The following KCNK17 variants were observed in gnomAD, a reference collection of about 807,000 sequenced individuals.
KCNK17 encodes potassium channel subfamily K member 17.
A neutral mutation model predicts 24.6 loss-of-function variants in KCNK17; 27 were observed. The ratio of observed to expected loss-of-function variants is 1.10; its 90% confidence interval spans 0.81 to 1.51. KCNK17 has a LOEUF of 1.51. Ranked by LOEUF, KCNK17 falls within the 40% of genes most tolerant of loss-of-function variation. The pLI, the probability that KCNK17 is intolerant of heterozygous loss-of-function variation, is 0.00. For synonymous variants in KCNK17, 181 were observed against 189.8 expected (o/e 0.95, Z 0.38); for missense variants, 450 against 436.6 (o/e 1.03, Z -0.27).
intron 2 of KCNK17, among the ~76,000 whole-genome samples, chr6:39,310,330 G>A (rs146518415): frequency 1.3e-5 from 2 of 152,250 alleles, no homozygotes; most frequent in Non-Finnish European, 2.9e-5. Flanking sequence ...GGAGGATGGC[G>A]ATGAGGAGTG....
At chr6:39,306,595 A>G (rs566058501) in intron 2 of KCNK17, among the ~76,000 whole-genome samples, 7 of 152,116 alleles carry the variant, frequency 4.6e-5, no homozygotes, top group African/African-American at 1.7e-4. Context: ...CTATATTGAA[A>G]CCAATGTTTA....
At chr6:39,304,180 C>T (rs750325113) in intron 3 of KCNK17, 49 bp from the exon 4 acceptor site, 42 of 1,562,222 alleles carry the variant, frequency 2.7e-5, no homozygotes, top group Non-Finnish European at 3.1e-5. Context: ...TCACCCCATG[C>T]GTGGGAGCCG....
chr6:39,314,033 G>T, intron 1 of KCNK17, 51 bp downstream of exon 1: 1 of 1,408,582 alleles, frequency 7.1e-7, no homozygotes, highest in East Asian at 2.6e-5. Context: ...TACACCCCGC[G>T]GCCCGCTACC....
At position 39,303,945 on chromosome 6, in the gene KCNK17, A is replaced by G. The variant is rs759872347; in HGVS notation, c.688+12T>C. The G allele has an allele frequency of 2.4e-5, 38 of 1,609,654 alleles. No homozygotes were observed. Among genetic ancestry groups the G allele is most frequent in the Non-Finnish European group, 3.2e-5 (38 of 1,179,050 alleles). On this transcript the variant is annotated intron_variant, in intron 4 of 4. Coordinates refer to ENST00000373231, the MANE Select transcript of KCNK17 (RefSeq NM_031460.4). ...GAATGTCCCCGCCAGCCCAACCGCC[A>G]GGAACTCTCACCAATCACGTAGTCG...
chr6:39,299,118 C>T lies in KCNK17; in HGVS notation c.*309G>A, dbSNP rs1283137484. 12 of 371,118 alleles carry T rather than the reference C, an allele frequency of 3.2e-5. No homozygotes were observed. Among genetic ancestry groups the T allele is most frequent in the Admixed American group, 1.3e-4 (3 of 22,706 alleles). 23.0% of individuals were successfully genotyped at this position (371,118 alleles called of 1,614,324 possible). ...CCAGACTCTTCCTATCTTATTGTGC[C>T]GCTCAAACATTGCCGCTACTTCATG... On this transcript the variant is annotated 3_prime_UTR_variant, in exon 5 of 5. Coordinates refer to ENST00000373231, the MANE Select transcript of KCNK17 (RefSeq NM_031460.4).
At chr6:39,306,393 A>G (rs1249076365) in intron 2 of KCNK17, among the ~76,000 whole-genome samples, 3 of 152,240 alleles carry the variant, frequency 2.0e-5, no homozygotes, top group African/African-American at 4.8e-5. Flanking sequence ...AAAGGATCTG[A>G]CCCTTAATAG....
At chr6:39,307,388 G>A (rs1394706126) in intron 2 of KCNK17, among the ~76,000 whole-genome samples, 6 of 152,116 alleles carry the variant, frequency 3.9e-5, no homozygotes, top group Admixed American at 3.9e-4. Flanking sequence ...TTCCAAAGGA[G>A]AGTTCTCCTT....
intron 2 of KCNK17, among the ~76,000 whole-genome samples, chr6:39,309,286 T>C (rs1333029167): frequency 6.6e-6 from 1 of 152,196 alleles, no homozygotes; most frequent in African/African-American, 2.4e-5. Flanking sequence ...ATCATGCCAC[T>C]GCACTCCAGC....
intron 2 of KCNK17, among the ~76,000 whole-genome samples, chr6:39,308,995 T>C (rs1443184448): frequency 6.6e-6 from 1 of 152,176 alleles, no homozygotes; most frequent in Non-Finnish European, 1.5e-5. Flanking sequence ...CTGGGGGAGA[T>C]GGTGCAACAT....
chr6:39,304,332 C>A (rs1761997580), intron 3 of KCNK17, 163 bp downstream of exon 3: 2 of 777,380 alleles, frequency 2.6e-6, no homozygotes, highest in Non-Finnish European at 4.1e-6. Flanking sequence ...ACCATTAATG[C>A]CCTTTTTCAC....
chr6:39,302,362 A>G (rs1049691533), intron 4 of KCNK17, among the ~76,000 whole-genome samples: 28 of 152,060 alleles, frequency 1.8e-4, no homozygotes, highest in African/African-American at 6.8e-4. Context: ...GTCAGATTGT[A>G]TTGGTAGGAG....
rs1354580989 is a variant in KCNK17, at chr6:39,314,100, A to T, written c.221T>A (p.Leu74Gln). The T allele has an allele frequency of 8.2e-6, 13 of 1,585,412 alleles. No individual in the cohort carries two copies. In the South Asian group the frequency reaches 1.2e-4, roughly 15 times the overall value. The change falls in exon 1 of 5, where the codon CTG becomes CAG. Residue 74 changes from leucine (L) to glutamine (Q), a missense_variant. Leu to Gln is a moderately radical substitution (Grantham distance 113). Transcript: ENST00000373231. ...GCCCCTGACCCGGATCAGCGAGTCC[A>T]GCGCCGGGCGGTCCAGACACGTGAA... ...QNFTCLDRPA[L>Q]DSLIRDVVQA...
intron 4 of KCNK17, among the ~76,000 whole-genome samples, chr6:39,301,410 G>A (rs2815072): frequency 0.13 from 19,541 of 152,222 alleles, 2,412 homozygotes; most frequent in African/African-American, 0.33. Context: ...CCCCTCTCTA[G>A]GACCCCCACA....
Position 39,314,145 on chromosome 6 carries a change from T to C in KCNK17, c.176A>G (p.Lys59Arg). ...CGTGAAGTTCTGCAACAGCTCCCAC[T>C]TGTCGCGCTGGAAGCTGCGGCTGGA... ...QDSSRSFQRD[K>R]WELLQNFTCL... Residue 59 changes from lysine (K) to arginine (R), a missense_variant, in exon 1 of 5, where the codon AAG becomes AGG. Physicochemically the swap from Lys to Arg is conservative, Grantham distance 26. Coordinates refer to ENST00000373231, the MANE Select transcript of KCNK17 (RefSeq NM_031460.4). 1.3e-6 allele frequency: 2 copies of C among 1,588,732 alleles called. No homozygotes were observed. Among genetic ancestry groups the C allele is most frequent in the Non-Finnish European group, 1.7e-6 (2 of 1,170,780 alleles).
intron 2 of KCNK17, among the ~76,000 whole-genome samples, chr6:39,308,276 G>T (rs1170675009): frequency 6.6e-6 from 1 of 152,148 alleles, no homozygotes; most frequent in African/African-American, 2.4e-5. Flanking sequence ...ACACACCAAG[G>T]TATGTATGTG....
chr6:39,299,683 C>T lies in KCNK17; in HGVS notation c.743G>A (p.Trp248Ter). ...CAGCCATGCCATCCCAAAGAGGATC[C>T]ACAGGGACACCATGTTCTTGTACCA... ...PLWYKNMVSL[W>*]ILFGMAWLAL... The change falls in exon 5 of 5, where the codon TGG becomes TAG. Residue 248 changes from tryptophan to a stop codon, truncating the protein, a stop_gained. Coordinates refer to ENST00000373231, the MANE Select transcript of KCNK17 (RefSeq NM_031460.4). LOFTEE classifies it low-confidence loss of function (END_TRUNC). The T allele has an allele frequency of 6.2e-7, 1 of 1,614,134 alleles. No individual in the cohort carries two copies. Among genetic ancestry groups the T allele is most frequent in the Non-Finnish European group, 8.5e-7 (1 of 1,180,030 alleles).
intron 2 of KCNK17, among the ~76,000 whole-genome samples, chr6:39,309,059 C>T (rs528292150): frequency 1.6e-4 from 24 of 152,348 alleles, no homozygotes; most frequent in Admixed American, 3.3e-4. Flanking sequence ...GACACAGTGG[C>T]TCACACCTGT....
At chr6:39,305,811 T>A (rs1762025581) in intron 2 of KCNK17, among the ~76,000 whole-genome samples, 1 of 152,144 alleles carries the variant, frequency 6.6e-6, no homozygotes, top group Admixed American at 6.6e-5. Flanking sequence ...CCAGGTCCAC[T>A]CGTGCCTCTG....
intron 4 of KCNK17, chr6:39,300,580 C>T (rs572523167): frequency 2.4e-5 from 36 of 1,520,388 alleles, no homozygotes; most frequent in African/African-American, 9.7e-5. Flanking sequence ...TATCCTGACT[C>T]GGTTCTTCAG....
Sources: allele counts gnomAD v4.1 joint callset (sites outside exome capture counted in the v4.1 genomes callset), GRCh38; gene constraint gnomAD v4.1.1; transcripts MANE v1.5; gene names NCBI Gene and HGNC (gene_info 2026-07-23, HGNC 2026-07-21).